SPON1: variants seen among roughly 807,000 people sequenced by gnomAD.
The protein encoded by SPON1 is spondin 1, also known as spondin-1.
A neutral mutation model predicts 111.7 loss-of-function variants in SPON1; 52 were observed. That is an observed-to-expected ratio of 0.47 (90% CI 0.37 to 0.59). The LOEUF (loss-of-function observed/expected upper bound fraction) is 0.59. Among genes scored for constraint, SPON1 ranks in the 20% least tolerant of loss-of-function variants. The pLI, the probability that SPON1 is intolerant of heterozygous loss-of-function variation, is 0.00. For synonymous variants in SPON1, 410 were observed against 395.8 expected, an observed-to-expected ratio of 1.04 and a Z score of -0.43; for missense variants, 957 against 1,068.5, an observed-to-expected ratio of 0.90 and a Z score of 1.46.
At chr11:14,006,581 C>A (rs1848362234) in intron 2 of SPON1, among the ~76,000 whole-genome samples, 1 of 152,146 alleles carries the variant, frequency 6.6e-6, no homozygotes, top group Non-Finnish European at 1.5e-5. Flanking sequence ...CTTGGTCGCA[C>A]GTGGTGGACC....
chr11:14,154,466 C>T (rs949302974), intron 6 of SPON1, among the ~76,000 whole-genome samples: 1 of 152,226 alleles, frequency 6.6e-6, no homozygotes, highest in African/African-American at 2.4e-5. Flanking sequence ...TTAGCCATGG[C>T]TGGAGCTAGA....
At position 14,209,196 on chromosome 11, in the gene SPON1, C is replaced by G. The variant is rs529787296; in HGVS notation, c.826-34136C>G. Among the ~76,000 whole-genome samples, 27 of 152,232 alleles carry G rather than the reference C, an allele frequency of 1.8e-4. No homozygotes were observed. The South Asian group carries it at 5.2e-3, about 29-fold the overall frequency. ...TGATGCAACTTTGTTATTGACAGCTCACAGAATGGAGCAAGGTTTTTTGAG... is the reference window on the plus strand; with the variant it reads ...TGATGCAACTTTGTTATTGACAGCTGACAGAATGGAGCAAGGTTTTTTGAG... On this transcript the variant is annotated intron_variant, in intron 6 of 15. Coordinates refer to ENST00000576479, the MANE Select transcript of SPON1 (RefSeq NM_006108.4).
chr11:14,222,413 A>G (rs955140953), intron 6 of SPON1, among the ~76,000 whole-genome samples: 7 of 152,228 alleles, frequency 4.6e-5, no homozygotes, highest in Non-Finnish European at 8.8e-5. Flanking sequence ...ATACTGTTCC[A>G]GTGACCAGTG....
chr11:14,027,383 A>G (rs531490376), intron 2 of SPON1, among the ~76,000 whole-genome samples: 6 of 152,310 alleles, frequency 3.9e-5, no homozygotes, highest in African/African-American at 1.4e-4. Context: ...CATGAGCTTC[A>G]ATAATCTGAT....
At chr11:14,032,492 C>T (rs182598169) in intron 2 of SPON1, among the ~76,000 whole-genome samples, 1 of 152,138 alleles carries the variant, frequency 6.6e-6, no homozygotes, top group Admixed American at 6.5e-5. Flanking sequence ...GGGTGCACGG[C>T]ACACAAGGGG....
intron 5 of SPON1, among the ~76,000 whole-genome samples, chr11:14,091,675 GC>G (rs1402562141): frequency 1.3e-5 from 2 of 152,106 alleles, no homozygotes; most frequent in Non-Finnish European, 2.9e-5. Context: ...GCTCGCAAGT[GC>G]CGCCCGCAGC....
intron 5 of SPON1, among the ~76,000 whole-genome samples, chr11:14,101,979 T>C (rs1849147339): frequency 6.6e-6 from 1 of 152,206 alleles, no homozygotes; most frequent in Non-Finnish European, 1.5e-5. Flanking sequence ...TCTCTCACCA[T>C]ATAGATACAT....
intron 2 of SPON1, among the ~76,000 whole-genome samples, chr11:13,984,420 C>G (rs1554910074): frequency 6.6e-6 from 1 of 152,104 alleles, no homozygotes; most frequent in Non-Finnish European, 1.5e-5. Context: ...AGTCTCATAT[C>G]AAGGTACCTG....
Position 14,259,777 on chromosome 11 carries a change from A to AC in SPON1, c.1831+78dup. ...GAGGGCCATGGCATCCACTATTACC[A>AC]CCATAAAGGTCGGAGGCTGAGCAGA... On this transcript the variant is annotated intron_variant, in intron 13 of 15. Coordinates refer to ENST00000576479, the MANE Select transcript of SPON1 (RefSeq NM_006108.4). The surrounding 1 kb of genome is among the most constrained non-coding windows in gnomAD (Gnocchi z 5.0). 6.9e-7 allele frequency: 1 copy of AC among 1,456,946 alleles called. No homozygotes were observed. Among genetic ancestry groups the AC allele is most frequent in the Non-Finnish European group, 9.3e-7 (1 of 1,079,724 alleles). The allele number at this position is 1,456,946 out of a possible 1,614,324, so 90.3% of individuals were successfully genotyped here.
At chr11:14,015,512 T>G (rs2133800962) in intron 2 of SPON1, among the ~76,000 whole-genome samples, 1 of 152,284 alleles carries the variant, frequency 6.6e-6, no homozygotes, top group Admixed American at 6.5e-5. Flanking sequence ...ACATATGAAT[T>G]TTAGGGGACA....
chr11:14,059,685 TGA>T (rs1314830750), intron 3 of SPON1, among the ~76,000 whole-genome samples: 2 of 152,220 alleles, frequency 1.3e-5, no homozygotes, highest in East Asian at 3.9e-4. Flanking sequence ...AGCCAGGAAG[TGA>T]CAGAGTTACT....
At chr11:14,134,551 A>G (rs1847568426) in intron 5 of SPON1, among the ~76,000 whole-genome samples, 1 of 152,186 alleles carries the variant, frequency 6.6e-6, no homozygotes, top group African/African-American at 2.4e-5. Context: ...ACTGTCCATC[A>G]CATCCTTTAA....
intron 6 of SPON1, among the ~76,000 whole-genome samples, chr11:14,181,464 CAA>C (rs1348282052): frequency 6.6e-6 from 1 of 152,186 alleles, no homozygotes; most frequent in Non-Finnish European, 1.5e-5. Flanking sequence ...TTCTCTCCTA[CAA>C]AAGTTTTATG....
chr11:13,987,893 T>G (rs1848197738), intron 2 of SPON1, among the ~76,000 whole-genome samples: 1 of 152,252 alleles, frequency 6.6e-6, no homozygotes, highest in African/African-American at 2.4e-5. Context: ...AAGGCTCTGT[T>G]CTGTTCCATT....
At chr11:14,081,294 A>G (rs1261336184) in intron 5 of SPON1, among the ~76,000 whole-genome samples, 3 of 152,168 alleles carry the variant, frequency 2.0e-5, no homozygotes, top group Admixed American at 6.5e-5. Flanking sequence ...GATGCATCCC[A>G]TATTCTCAAG....
intron 1 of SPON1, among the ~76,000 whole-genome samples, chr11:13,965,913 C>T (rs1554907992): frequency 6.6e-6 from 1 of 152,186 alleles, no homozygotes; most frequent in African/African-American, 2.4e-5. Flanking sequence ...GGATTCCTCA[C>T]AATCCTTGGA....
intron 2 of SPON1, among the ~76,000 whole-genome samples, chr11:14,010,021 C>A (rs1485004753): frequency 6.6e-6 from 1 of 152,176 alleles, no homozygotes; most frequent in East Asian, 1.9e-4. Context: ...CCACTATATT[C>A]CCAGTGCTTA....
chr11:14,202,855 G>A (rs550892088), intron 6 of SPON1, among the ~76,000 whole-genome samples: 12 of 152,140 alleles, frequency 7.9e-5, no homozygotes, highest in South Asian at 2.1e-4. Context: ...CGATTACACC[G>A]GGCAGAGTCA....
intron 2 of SPON1, among the ~76,000 whole-genome samples, chr11:13,998,187 G>T (rs1554912055): frequency 1.3e-5 from 2 of 152,126 alleles, no homozygotes. Context: ...CCATTCACAG[G>T]AAAGTTAACA....
Sources: gnomAD v4.1 joint callset for allele counts (sites outside exome capture counted in the v4.1 genomes callset) on GRCh38, gnomAD v4.1.1 for gene constraint, Gnocchi (gnomAD v3.1) non-coding constraint, MANE v1.5 for transcripts, NCBI Gene and HGNC (gene_info 2026-07-23, HGNC 2026-07-21) for gene names.